The following SMIM8 variants were observed in gnomAD, a reference collection of about 807,000 sequenced individuals.
SMIM8 encodes the protein small integral membrane protein 8.
A neutral mutation model predicts 8.1 loss-of-function variants in SMIM8; 8 were observed. That is an observed-to-expected ratio of 0.99 (90% CI 0.58 to 1.78). The LOEUF (loss-of-function observed/expected upper bound fraction) is 1.78, where lower values mean the gene tolerates loss of function less well. Among genes scored for constraint, SMIM8 ranks in the 40% most tolerant of loss-of-function variants. SMIM8 has a pLI of 0.00. For synonymous variants in SMIM8, 45 were observed against 39.7 expected (o/e 1.13, Z -0.50); for missense variants, 126 against 119.8 (o/e 1.05, Z -0.24).
At chr6:87,332,241 A>G (rs9450658) in intron 2 of SMIM8, among the ~76,000 whole-genome samples, 8 of 151,272 alleles carry the variant, frequency 5.3e-5, no homozygotes, top group African/African-American at 1.9e-4. Flanking sequence ...CACTGCATCC[A>G]TTTAATTTTA....
At chr6:87,329,560 G>A (rs1319907591) in intron 1 of SMIM8, among the ~76,000 whole-genome samples, 1 of 152,124 alleles carries the variant, frequency 6.6e-6, no homozygotes, top group African/African-American at 2.4e-5. Context: ...CAGAGTGCTG[G>A]GATTGCAGGC....
intron 1 of SMIM8, among the ~76,000 whole-genome samples, chr6:87,328,743 A>T (rs1398764133): frequency 3.3e-5 from 5 of 152,174 alleles, no homozygotes; most frequent in East Asian, 1.9e-4. Flanking sequence ...GAGCCTACAG[A>T]GGCAGGCAGG....
In SMIM8 at chr6:87,341,078, GT is replaced by G. The variant is rs1777223441; in HGVS notation, c.*806del. On this transcript the variant is annotated 3_prime_UTR_variant, in exon 4 of 4. Transcript: ENST00000392863. Reference sequence around the variant, plus strand: ...TTGTGTTAATTAATGTTACTGTAATGTTATAAACATAAGACCAAGTGTTCTT... The same window carrying G: ...TTGTGTTAATTAATGTTACTGTAATGTATAAACATAAGACCAAGTGTTCTT... 2.6e-6 allele frequency: 1 copy of G among 386,636 alleles called. No individual in the cohort carries two copies. Among genetic ancestry groups the G allele is most frequent in the Non-Finnish European group, 4.6e-6 (1 of 219,328 alleles). 24.0% of individuals were successfully genotyped at this position (386,636 alleles called of 1,614,324 possible).
At chr6:87,330,982 A>G (rs1286635068) in intron 2 of SMIM8, 1 of 152,214 alleles carries the variant, frequency 6.6e-6, no homozygotes, top group African/African-American at 2.4e-5. Context: ...TCACAAAATT[A>G]CTTAGCCAAG....
intron 3 of SMIM8, among the ~76,000 whole-genome samples, chr6:87,338,915 T>TA (rs1376831216): frequency 6.7e-6 from 1 of 149,530 alleles, no homozygotes; most frequent in African/African-American, 2.5e-5. Context: ...GCTTTTTTTT[T>TA]TTTTTTTTTT....
Position 87,340,269 on chromosome 6 carries a change from G to A in SMIM8, c.289G>A (p.Asp97Asn), listed in dbSNP as rs372622818. The A allele has an allele frequency of 1.0e-5, 16 of 1,594,226 alleles. No homozygotes were observed. In the African/African-American group the frequency reaches 1.6e-4, roughly 16 times the overall value. The stretch of plus-strand genomic sequence containing the variant: ...TATGAGGCGGAAAACATCCAAATGG[G>A]ATTAGTAGTGCTGGTTAGTGCAGAT... ...SYMRRKTSKW[D>N] is the part of the protein sequence containing the mutation. The change falls in exon 4 of 4, where the codon GAT becomes AAT. Residue 97 changes from aspartate (D) to asparagine (N), a missense_variant. By Grantham distance (23) the Asp-to-Asn change is conservative. Transcript: ENST00000392863.
intron 2 of SMIM8, among the ~76,000 whole-genome samples, chr6:87,333,444 GA>G (rs1777036010): frequency 6.6e-6 from 1 of 152,172 alleles, no homozygotes. Flanking sequence ...AGCACAGGGA[GA>G]AACATCACTG....
chr6:87,328,501 G>A (rs1447045835), intron 1 of SMIM8, among the ~76,000 whole-genome samples: 5 of 151,690 alleles, frequency 3.3e-5, no homozygotes, highest in East Asian at 1.9e-4. Context: ...GTCTGTTGGA[G>A]TACCCGGCCG....
chr6:87,339,891 G>A (rs1355541746), intron 3 of SMIM8, among the ~76,000 whole-genome samples: 2 of 152,080 alleles, frequency 1.3e-5, no homozygotes, highest in African/African-American at 2.4e-5. Context: ...GTAGATGGGA[G>A]AAAGCCTGGA....
chr6:87,330,768 C>T (rs1433452483), intron 2 of SMIM8, 56 bp downstream of exon 2: 1 of 151,464 alleles, frequency 6.6e-6, no homozygotes, highest in Non-Finnish European at 1.5e-5. Flanking sequence ...TTAGTTTAGA[C>T]CTTTTTTACA....
chr6:87,337,030 AG>A lies in SMIM8; in HGVS notation c.-1del. The A allele has an allele frequency of 6.3e-7, 1 of 1,596,100 alleles. No homozygotes were observed. Among genetic ancestry groups the A allele is most frequent in the Non-Finnish European group, 8.5e-7 (1 of 1,173,738 alleles). ...TTAGATAATAAATCATCATTGATCAAGATGTCTTCAGCACCTGAGCCTCCAA... is the reference window on the plus strand; with the variant it reads ...TTAGATAATAAATCATCATTGATCAAATGTCTTCAGCACCTGAGCCTCCAA... On this transcript the variant is annotated 5_prime_UTR_variant, in exon 3 of 4. Coordinates refer to ENST00000392863, the MANE Select transcript of SMIM8 (RefSeq NM_001042493.3).
chr6:87,340,033 T>C (rs533319020), intron 3 of SMIM8, 83 bp from the exon 4 acceptor site: 151 of 1,090,434 alleles, frequency 1.4e-4, no homozygotes, highest in Non-Finnish European at 1.8e-4. Context: ...ATGTGGCATG[T>C]CAGGAGGAAA....
Position 87,342,210 on chromosome 6 carries a change from GA to G in SMIM8, c.*1937del, listed in dbSNP as rs2127927478. The G allele has an allele frequency of 6.6e-6, 1 of 152,350 alleles. No individual in the cohort carries two copies. Among genetic ancestry groups the G allele is most frequent in the Admixed American group, 6.5e-5 (1 of 15,290 alleles). 9.4% of individuals were successfully genotyped at this position (152,350 alleles called of 1,614,324 possible). ...TTTACAGAGTGACTACAAGTTGTAG[GA>G]CAGTCTTTGTGTGTGCTGAGTGTCA... On this transcript the variant is annotated 3_prime_UTR_variant, in exon 4 of 4. Transcript: ENST00000392863.
At chr6:87,329,543 G>A (rs937916760) in intron 1 of SMIM8, among the ~76,000 whole-genome samples, 8 of 152,222 alleles carry the variant, frequency 5.3e-5, no homozygotes, top group Middle Eastern at 3.4e-3. Flanking sequence ...TACCCGCTTC[G>A]GCCTCCCAGA....
At chr6:87,334,646 C>G (rs1025386779) in intron 2 of SMIM8, among the ~76,000 whole-genome samples, 12 of 152,118 alleles carry the variant, frequency 7.9e-5, no homozygotes, top group African/African-American at 2.9e-4. Flanking sequence ...GTTCTTGTTA[C>G]CTTATCATAT....
chr6:87,332,343 A>ATATATATATATATATATAT (rs1491301788), intron 2 of SMIM8, among the ~76,000 whole-genome samples: 1 of 145,762 alleles, frequency 6.9e-6, no homozygotes, highest in African/African-American at 2.5e-5. Context: ...ATATATATAT[A>ATATATATATATATATATAT]AATGACAGCA....
intron 2 of SMIM8, among the ~76,000 whole-genome samples, chr6:87,331,687 A>T (rs1246087813): frequency 6.6e-6 from 1 of 152,022 alleles, no homozygotes; most frequent in African/African-American, 2.4e-5. Flanking sequence ...AGTAATCTGA[A>T]TTTTTTTTAA....
intron 1 of SMIM8, among the ~76,000 whole-genome samples, chr6:87,326,428 G>C (rs139049205): frequency 0.11 from 17,340 of 151,762 alleles, 1,018 homozygotes; most frequent in East Asian, 0.13. Context: ...CCCTCTACAT[G>C]CTGCTTTGAA....
chr6:87,340,166 A>G lies in SMIM8; in HGVS notation c.186A>G (p.Ala62=). 6.2e-7 allele frequency: 1 copy of G among 1,608,880 alleles called. No individual in the cohort carries two copies. Among genetic ancestry groups the G allele is most frequent in the South Asian group, 1.1e-5 (1 of 89,896 alleles). Residue 62 remains alanine, a synonymous_variant, in exon 4 of 4, where the codon GCA becomes GCG. Transcript: ENST00000392863. ...TGGTAACTCTTTCACTTTGCGTGGC[A>G]TATATTGGTTATCTACATGCAATAC... The part of the protein sequence containing the change: ...FGLVTLSLCV[A]YIGYLHAIQE...
Sources: gnomAD v4.1 joint callset for allele counts (sites outside exome capture counted in the v4.1 genomes callset) on GRCh38, gnomAD v4.1.1 for gene constraint, MANE v1.5 for transcripts, NCBI Gene and HGNC (gene_info 2026-07-23, HGNC 2026-07-21) for gene names.